The following TRIM22 variants were observed in gnomAD, a reference collection of about 807,000 sequenced individuals.
TRIM22 encodes E3 ubiquitin-protein ligase TRIM22.
Under a neutral mutation model 53.6 loss-of-function variants are expected in TRIM22, and 45 were observed. The observed-to-expected ratio is 0.84, with a 90% CI of 0.66 to 1.08. The LOEUF (loss-of-function observed/expected upper bound fraction) is 1.08, where lower values mean the gene tolerates loss of function less well. TRIM22 is among the 50% of genes least tolerant of loss of function. The pLI is 0.00. For synonymous variants in TRIM22, 225 were observed against 216.6 expected, an observed-to-expected ratio of 1.04 and a Z score of -0.34; for missense variants, 616 against 590.9, an observed-to-expected ratio of 1.04 and a Z score of -0.44.
In TRIM22 at chr11:5,696,883, G is replaced by C. The variant is rs868244011; in HGVS notation, c.423+228G>C. The C allele has an allele frequency of 7.0e-5, 38 of 545,414 alleles. No individual in the cohort carries two copies. The South Asian group carries it at 7.5e-4, about 11-fold the overall frequency. 33.8% of individuals were successfully genotyped at this position (545,414 alleles called of 1,614,324 possible). On this transcript the variant is annotated intron_variant, in intron 2 of 7. Coordinates refer to ENST00000379965, the MANE Select transcript of TRIM22 (RefSeq NM_006074.5). ...TTAGCAAGGAAAAGTTGAATGAATGGAGAATTGCTTTGTAAGATAAGCTTT... is the reference window on the plus strand; with the variant it reads ...TTAGCAAGGAAAAGTTGAATGAATGCAGAATTGCTTTGTAAGATAAGCTTT...
chr11:5,693,938 C>T (rs781776513), intron 1 of TRIM22, among the ~76,000 whole-genome samples: 1 of 152,110 alleles, frequency 6.6e-6, no homozygotes, highest in Non-Finnish European at 1.5e-5. Flanking sequence ...GTCCATGCCT[C>T]TCTTCTAGCT....
chr11:5,709,763 C>CAAAGACA lies in TRIM22; in HGVS notation c.*115_*116insAAAGACA. The CAAAGACA allele has an allele frequency of 1.1e-6, 1 of 914,360 alleles. No individual in the cohort carries two copies. Among genetic ancestry groups the CAAAGACA allele is most frequent in the Non-Finnish European group, 1.7e-6 (1 of 603,356 alleles). The allele number at this position is 914,360 out of a possible 1,614,324, so 56.6% of individuals were successfully genotyped here. On this transcript the variant is annotated 3_prime_UTR_variant, in exon 8 of 8. Coordinates refer to ENST00000379965, the MANE Select transcript of TRIM22 (RefSeq NM_006074.5). ...TCTTCCTTTCTTTCCCCTTCTTTTACTTAGAATGTCTTTGTATTCATTTGC... is the reference window on the plus strand; with the variant it reads ...TCTTCCTTTCTTTCCCCTTCTTTTACAAAGACATTAGAATGTCTTTGTATTCATTTGC...
At chr11:5,699,955 G>A (rs977574522) in intron 4 of TRIM22, among the ~76,000 whole-genome samples, 3 of 151,446 alleles carry the variant, frequency 2.0e-5, no homozygotes, top group Admixed American at 6.6e-5. Flanking sequence ...AAAGGAAACT[G>A]ACTTTAGTAT....
chr11:5,691,380 A>C (rs917835513), intron 1 of TRIM22, among the ~76,000 whole-genome samples: 1 of 152,176 alleles, frequency 6.6e-6, no homozygotes, highest in African/African-American at 2.4e-5. Context: ...GGAACAAAAC[A>C]GAGTAGGGAT....
At position 5,696,244 on chromosome 11, in the gene TRIM22, A is replaced by G; in HGVS notation, c.12A>G (p.Ser4=). 6.2e-7 allele frequency: 1 copy of G among 1,609,108 alleles called. No individual in the cohort carries two copies. Among genetic ancestry groups the G allele is most frequent in the Non-Finnish European group, 8.5e-7 (1 of 1,177,446 alleles). Residue 4 remains serine (S), a synonymous_variant, in exon 2 of 8, where the codon TCA becomes TCG. Coordinates refer to ENST00000379965, the MANE Select transcript of TRIM22 (RefSeq NM_006074.5). MDF[S]VKVDIEKEVT... is the part of the protein sequence containing the mutation. ...AAGGGAGCAGTGCAATGGATTTCTC[A>G]GTAAAGGTAGACATAGAGAAGGAGG...
intron 7 of TRIM22, 114 bp downstream of exon 7, chr11:5,708,717 T>C (rs1853505122): frequency 4.5e-5 from 2 of 44,142 alleles, no homozygotes; most frequent in Non-Finnish European, 7.8e-5. Context: ...CATGTAGTTC[T>C]TTTTTTTTTT....
At chr11:5,696,739 A>T (rs1853269384) in intron 2 of TRIM22, 84 bp downstream of exon 2, 1 of 1,417,442 alleles carries the variant, frequency 7.1e-7, no homozygotes, top group Non-Finnish European at 9.5e-7. Flanking sequence ...GTCCTGCTTT[A>T]TTCCCCTTGT....
chr11:5,700,848 T>G (rs1284878133), intron 4 of TRIM22, among the ~76,000 whole-genome samples: 13 of 152,124 alleles, frequency 8.5e-5, no homozygotes, highest in African/African-American at 3.1e-4. Flanking sequence ...GGTTTTGAAC[T>G]CCTGACCTCA....
At position 5,708,615 on chromosome 11, in the gene TRIM22, T is replaced by C. The variant is rs767389055; in HGVS notation, c.901+12T>C. Reference sequence around the variant, plus strand: ...CCAGTACTACTGGGGTAAGATGATATGGGGTTTTCAAATCACTTCCTTTCA... The same window carrying C: ...CCAGTACTACTGGGGTAAGATGATACGGGGTTTTCAAATCACTTCCTTTCA... On this transcript the variant is annotated intron_variant, in intron 7 of 7. Coordinates refer to ENST00000379965, the MANE Select transcript of TRIM22 (RefSeq NM_006074.5). The C allele has an allele frequency of 6.9e-5, 111 of 1,605,422 alleles. No individual in the cohort carries two copies. The highest frequency in any genetic ancestry group is 1.4e-4 in the Admixed American group (8 of 57,590).
intron 1 of TRIM22, among the ~76,000 whole-genome samples, chr11:5,693,721 CAAAAAAAAAAAAA>C (rs60530986): frequency 1.1e-5 from 1 of 87,440 alleles, no homozygotes; most frequent in African/African-American, 4.7e-5. Flanking sequence ...GACTCCGTCT[CAAAAAAAAAAAAA>C]AAAAAAAAAG....
chr11:5,695,938 TAAC>T lies in TRIM22; in HGVS notation c.-66-226_-66-224del, dbSNP rs200766289. Among the ~76,000 whole-genome samples the T allele has an allele frequency of 6.7e-4, 102 of 152,204 alleles. 2 individuals are homozygous for T. In the East Asian group the frequency reaches 0.019, roughly 29 times the overall value. On this transcript the variant is annotated intron_variant, in intron 1 of 7. Coordinates refer to ENST00000379965, the MANE Select transcript of TRIM22 (RefSeq NM_006074.5). ...TTGTCCTCTCCAGTAGAAGAGAAAA[TAAC>T]AATAATTGCCTTGATGGGGTGAAAT... is the stretch of plus-strand genomic sequence containing the variant.
chr11:5,691,380 A>T (rs917835513), intron 1 of TRIM22, among the ~76,000 whole-genome samples: 1 of 152,176 alleles, frequency 6.6e-6, no homozygotes, highest in South Asian at 2.1e-4. Context: ...GGAACAAAAC[A>T]GAGTAGGGAT....
At chr11:5,707,433 G>A (rs1340046397) in intron 5 of TRIM22, among the ~76,000 whole-genome samples, 1 of 151,956 alleles carries the variant, frequency 6.6e-6, no homozygotes, top group South Asian at 2.1e-4. Flanking sequence ...CCACATCTCT[G>A]GCCTCTTCCT....
chr11:5,697,695 A>AT (rs1395822271), intron 3 of TRIM22: 3 of 181,428 alleles, frequency 1.7e-5, no homozygotes, highest in Admixed American at 6.7e-5. Context: ...CAGTAGGGGG[A>AT]TTTTTTTGTT....
Position 5,696,631 on chromosome 11 carries a change from A to C in TRIM22, c.399A>C (p.Ile133=). 1 of 1,612,124 alleles carries C rather than the reference A, an allele frequency of 6.2e-7. No homozygotes were observed. Among genetic ancestry groups the C allele is most frequent in the South Asian group, 1.1e-5 (1 of 91,070 alleles). ...QEHQGHQTFR[I]NEVVKECQEK... is the part of the protein sequence containing the mutation. Reference sequence around the variant, plus strand: ...ACCAAGGTCACCAAACATTCCGCATAAACGAGGTGGTCAAGGAATGTCAGG... The same window carrying C: ...ACCAAGGTCACCAAACATTCCGCATCAACGAGGTGGTCAAGGAATGTCAGG... Residue 133 remains isoleucine, a synonymous_variant, in exon 2 of 8, where the codon ATA becomes ATC. Coordinates refer to ENST00000379965, the MANE Select transcript of TRIM22 (RefSeq NM_006074.5).
rs1181181576 is a variant in TRIM22, at chr11:5,706,670, C to T, written c.773+54C>T. ...TTTGTCTGAAAAGAGAATTATAGTC[C>T]TGAGAGATATCTTCCTTCAATCAGA... On this transcript the variant is annotated intron_variant, in intron 5 of 7. Transcript: ENST00000379965. 2.0e-6 allele frequency: 3 copies of T among 1,516,078 alleles called. No homozygotes were observed. The East Asian group carries it at 6.9e-5, about 35-fold the overall frequency. 93.9% of individuals were successfully genotyped at this position (1,516,078 alleles called of 1,614,324 possible).
At chr11:5,705,223 T>G (rs937871796) in intron 4 of TRIM22, among the ~76,000 whole-genome samples, 1 of 152,224 alleles carries the variant, frequency 6.6e-6, no homozygotes, top group Non-Finnish European at 1.5e-5. Context: ...GTCGATGGTT[T>G]GCATGCCTTA....
In TRIM22 at chr11:5,698,440, C is replaced by A. The variant is rs768918093; in HGVS notation, c.645C>A (p.Asn215Lys). The A allele has an allele frequency of 6.2e-6, 10 of 1,614,022 alleles. No homozygotes were observed. Among genetic ancestry groups the A allele is most frequent in the Non-Finnish European group, 5.1e-6 (6 of 1,180,024 alleles). ...AAGGTGAGGTGAATGTGCTGGATAA[C>A]CTGGCAGCAGCTACAGACCAGCTGG... The part of the protein sequence containing the change: ...LEEGEVNVLD[N>K]LAAATDQLVQ... The change falls in exon 4 of 8, where the codon AAC becomes AAA. Residue 215 changes from asparagine to lysine, a missense_variant. By Grantham distance (94) the Asn-to-Lys change is moderately conservative. Transcript: ENST00000379965.
chr11:5,708,599 C>T lies in TRIM22; in HGVS notation c.897C>T (p.Tyr299=), dbSNP rs766466427. The change falls in exon 7 of 8, where the codon TAC becomes TAT. Residue 299 remains tyrosine, a synonymous_variant. Coordinates refer to ENST00000379965, the MANE Select transcript of TRIM22 (RefSeq NM_006074.5). The part of the protein sequence containing the change: ...VLKELTDVQY[Y]WVDVMLNPGS... ...CAGAGCTGACAGATGTCCAGTACTA[C>T]TGGGGTAAGATGATATGGGGTTTTC... 3 of 1,607,526 alleles carry T rather than the reference C, an allele frequency of 1.9e-6. No homozygotes were observed. The highest frequency in any genetic ancestry group is 2.2e-5 in the South Asian group (2 of 89,730).
Sources: gnomAD v4.1 joint callset for allele counts (sites outside exome capture counted in the v4.1 genomes callset) on GRCh38, gnomAD v4.1.1 for gene constraint, MANE v1.5 for transcripts, NCBI Gene and HGNC (gene_info 2026-07-23, HGNC 2026-07-21) for gene names.